Variants in AHI1 observed in about 807,000 individuals in gnomAD.
The protein encoded by AHI1 is jouberin.
In AHI1, 123 loss-of-function variants were observed where a neutral mutation model predicts 149.3. The ratio of observed to expected loss-of-function variants is 0.82; its 90% CI spans 0.71 to 0.96. The LOEUF (loss-of-function observed/expected upper bound fraction) is 0.96, where lower values mean the gene tolerates loss of function less well. Among genes scored for constraint, AHI1 ranks in the 40% least tolerant of loss-of-function variants. The pLI is 0.00. For missense variants in AHI1, 1,439 were observed against 1,422.7 expected, an observed-to-expected ratio of 1.01 and a Z score of -0.18; for synonymous variants, 475 against 459.8, an observed-to-expected ratio of 1.03 and a Z score of -0.42.
chr6:135,342,948 A>G (rs1052518988), intron 24 of AHI1, among the ~76,000 whole-genome samples: 2 of 148,660 alleles, frequency 1.3e-5, no homozygotes, highest in African/African-American at 2.5e-5. Context: ...ATTAGGCAAG[A>G]AAAAAAAAAG....
intron 20 of AHI1, among the ~76,000 whole-genome samples, chr6:135,412,786 G>T (rs1431525455): frequency 6.6e-6 from 1 of 152,062 alleles, no homozygotes; most frequent in African/African-American, 2.4e-5. Context: ...TGACATGAAA[G>T]AAATAAATCT....
chr6:135,353,520 T>C (rs1792483583), intron 24 of AHI1, among the ~76,000 whole-genome samples: 2 of 152,110 alleles, frequency 1.3e-5, no homozygotes, highest in African/African-American at 2.4e-5. Flanking sequence ...TGTTAAAATA[T>C]GAAACAGCCA....
At chr6:135,360,451 G>A (rs1793687085) in intron 23 of AHI1, among the ~76,000 whole-genome samples, 1 of 152,312 alleles carries the variant, frequency 6.6e-6, no homozygotes, top group South Asian at 2.1e-4. Flanking sequence ...TCTGCCAACA[G>A]GCTGCCTTCA....
intron 23 of AHI1, among the ~76,000 whole-genome samples, chr6:135,375,228 T>C (rs888110874): frequency 6.6e-6 from 1 of 152,098 alleles, no homozygotes; most frequent in Admixed American, 6.5e-5. Context: ...AAAAAGTTTT[T>C]TTTTCCAGCA....
intron 23 of AHI1, among the ~76,000 whole-genome samples, chr6:135,386,605 T>C (rs1777627680): frequency 6.6e-6 from 1 of 152,018 alleles, no homozygotes; most frequent in East Asian, 1.9e-4. Flanking sequence ...CCACCGTGCC[T>C]GGCCTAGAAA....
chr6:135,448,549 T>A (rs1787597944), intron 11 of AHI1, 74 bp from the exon 12 acceptor site: 17 of 1,172,124 alleles, frequency 1.5e-5, no homozygotes, highest in Non-Finnish European at 1.0e-5. Context: ...TAGCATAAAG[T>A]CAGAAACATT....
chr6:135,467,484 C>T (rs1253291474), intron 6 of AHI1, 97 bp downstream of exon 6: 2 of 995,696 alleles, frequency 2.0e-6, no homozygotes, highest in Non-Finnish European at 3.2e-6. Context: ...TGTTGAAAAA[C>T]AGAATGGACA....
rs1786477432 is a variant in AHI1 at position 135,442,564 on chromosome 6, G to T, written c.1912+18C>A. 1 of 1,598,062 alleles carries T rather than the reference G, an allele frequency of 6.3e-7. No homozygotes were observed. Among genetic ancestry groups the T allele is most frequent in the South Asian group, 1.1e-5 (1 of 87,710 alleles). Reference sequence around the variant, plus strand: ...ACGTGGACTACAATCAGATTAAACAGGTAGGATTATTACTCACAAATAATT... The same window carrying T: ...ACGTGGACTACAATCAGATTAAACATGTAGGATTATTACTCACAAATAATT... On this transcript the variant is annotated intron_variant, in intron 14 of 28. Transcript: ENST00000265602.
At chr6:135,353,594 G>A (rs2128428673) in intron 24 of AHI1, among the ~76,000 whole-genome samples, 1 of 152,130 alleles carries the variant, frequency 6.6e-6, no homozygotes, top group South Asian at 2.1e-4. Flanking sequence ...TAGCAATCTT[G>A]TCAATCTACA....
chr6:135,481,545 G>T (rs767489039), intron 5 of AHI1, among the ~76,000 whole-genome samples: 1 of 151,694 alleles, frequency 6.6e-6, no homozygotes, highest in Non-Finnish European at 1.5e-5. Context: ...GACACTCAAC[G>T]TTTATTATAA....
chr6:135,394,418 T>C (rs1160012956), intron 23 of AHI1, among the ~76,000 whole-genome samples: 1 of 152,098 alleles, frequency 6.6e-6, no homozygotes, highest in Non-Finnish European at 1.5e-5. Context: ...GTATTTTACC[T>C]TGGCTTTCCT....
chr6:135,439,652 TTG>T (rs1347469692), intron 14 of AHI1, among the ~76,000 whole-genome samples: 1 of 152,194 alleles, frequency 6.6e-6, no homozygotes, highest in Non-Finnish European at 1.5e-5. Context: ...AAAAAGAGGT[TTG>T]TGCTAGTTTT....
rs926574181 is a variant in AHI1 at position 135,448,354 on chromosome 6, C to A, written c.1562G>T (p.Cys521Phe). ...VVEAFEWWSK[C>F]PRNHYPSTLY... ...TGTTGATGGGTAATGATTTCTTGGA[C>A]ATTTTGACCACCATTCAAATGCCTC... Residue 521 changes from cysteine to phenylalanine, a missense_variant, in exon 12 of 29, where the codon TGT becomes TTT. By Grantham distance (205) the Cys-to-Phe change is radical. Transcript: ENST00000265602. 3 of 1,611,190 alleles carry A rather than the reference C, an allele frequency of 1.9e-6. No individual in the cohort carries two copies. Among genetic ancestry groups the A allele is most frequent in the Non-Finnish European group, 2.5e-6 (3 of 1,178,130 alleles).
chr6:135,394,553 C>T, intron 23 of AHI1: 1 of 515,164 alleles, frequency 1.9e-6, no homozygotes, highest in South Asian at 2.1e-5. Context: ...AAATTATTAT[C>T]TGTTAATAGC....
At chr6:135,354,813 A>C (rs1415718045) in intron 24 of AHI1, among the ~76,000 whole-genome samples, 2 of 152,188 alleles carry the variant, frequency 1.3e-5, no homozygotes, top group Non-Finnish European at 2.9e-5. Flanking sequence ...GTCTGAATGA[A>C]TATCATTCAG....
Position 135,453,426 on chromosome 6 carries a change from A to C in AHI1, c.1355T>G (p.Phe452Cys). Reference sequence around the variant, plus strand: ...ATTCTTAATTTCATCCACGCTTAAGAAATCAAGAATCTGCAAATAAATTCA... The same window carrying C: ...ATTCTTAATTTCATCCACGCTTAAGCAATCAAGAATCTGCAAATAAATTCA... ...KVILFFEILDFLSVDEIKNNS... is the reference protein window; with the variant it reads ...KVILFFEILDCLSVDEIKNNS... Residue 452 changes from phenylalanine (F) to cysteine (C), a missense_variant, in exon 11 of 29, where the codon TTC (phenylalanine) becomes TGC (cysteine). Coordinates refer to ENST00000265602, the MANE Select transcript of AHI1 (RefSeq NM_001134831.2). The C allele has an allele frequency of 1.3e-6, 2 of 1,551,474 alleles. No homozygotes were observed. The highest frequency in any genetic ancestry group is 1.7e-6 in the Non-Finnish European group (2 of 1,146,554).
chr6:135,361,788 G>A (rs990862359), intron 23 of AHI1, among the ~76,000 whole-genome samples: 1 of 151,644 alleles, frequency 6.6e-6, no homozygotes, highest in South Asian at 2.1e-4. Flanking sequence ...ATATGTATAC[G>A]TGTATGTGTG....
At chr6:135,468,428 G>C (rs1274820961) in intron 5 of AHI1, among the ~76,000 whole-genome samples, 1 of 152,162 alleles carries the variant, frequency 6.6e-6, no homozygotes, top group East Asian at 1.9e-4. Flanking sequence ...ATGAGGCTGG[G>C]CATGGTGGCT....
chr6:135,454,308 A>G (rs748377572), intron 10 of AHI1, among the ~76,000 whole-genome samples: 1 of 152,156 alleles, frequency 6.6e-6, no homozygotes, highest in South Asian at 2.1e-4. Flanking sequence ...TTATTTTCAT[A>G]TAGTATGTAG....
Sources: allele counts gnomAD v4.1 joint callset (sites outside exome capture counted in the v4.1 genomes callset), GRCh38; gene constraint gnomAD v4.1.1; transcripts MANE v1.5; gene names NCBI Gene and HGNC (gene_info 2026-07-23, HGNC 2026-07-21).